Variants in MYH15 observed in about 807,000 individuals in gnomAD.
MYH15 encodes myosin heavy chain 15, also known as myosin-15.
In MYH15, 227 loss-of-function variants were observed where a neutral mutation model predicts 240.5. The observed-to-expected ratio is 0.94, with a 90% CI of 0.85 to 1.05. The LOEUF (loss-of-function observed/expected upper bound fraction) is 1.05, where lower values mean the gene tolerates loss of function less well. Among genes scored for constraint, MYH15 ranks in the 50% least tolerant of loss-of-function variants. MYH15 has a pLI of 0.00. For synonymous variants in MYH15, 785 were observed against 796.7 expected (o/e 0.99, Z 0.25); for missense variants, 2,217 against 2,247.5 (o/e 0.99, Z 0.27).
intron 35 of MYH15, among the ~76,000 whole-genome samples, chr3:108,397,877 T>C (rs1560315861): frequency 6.6e-6 from 1 of 152,166 alleles, no homozygotes; most frequent in Non-Finnish European, 1.5e-5. Flanking sequence ...GGAGTGGTTC[T>C]GGAACATTAG....
intron 38 of MYH15, among the ~76,000 whole-genome samples, chr3:108,387,501 A>T (rs1331348231): frequency 6.6e-6 from 1 of 152,248 alleles, no homozygotes; most frequent in East Asian, 1.9e-4. Context: ...CGATAGAACA[A>T]GAATGCATTC....
intron 33 of MYH15, among the ~76,000 whole-genome samples, chr3:108,401,071 T>G (rs1419883016): frequency 1.3e-5 from 2 of 152,180 alleles, no homozygotes; most frequent in African/African-American, 4.8e-5. Context: ...CCTTAGGCTC[T>G]GGGCTTTTGT....
At chr3:108,490,908 G>A (rs1393017645) in intron 9 of MYH15, among the ~76,000 whole-genome samples, 1 of 149,122 alleles carries the variant, frequency 6.7e-6, no homozygotes, top group Non-Finnish European at 1.5e-5. Flanking sequence ...TCTTTTTTGA[G>A]ACAGAGTCTC....
At chr3:108,550,782 T>C in the MYH15 span, 1 of 152,906 alleles carries the variant, frequency 6.5e-6, no homozygotes, top group Admixed American at 6.5e-5. Flanking sequence ...CCAAGAAAGT[T>C]TGGTCTTAAG....
the MYH15 span, among the ~76,000 whole-genome samples, chr3:108,546,426 T>C: frequency 6.6e-6 from 1 of 152,176 alleles, no homozygotes; most frequent in Admixed American, 6.5e-5. Flanking sequence ...AAAATCATGT[T>C]CATTACTAAA....
rs574594770 is a variant in MYH15, at chr3:108,386,882, G to C, written c.5535+2088C>G. Among the ~76,000 whole-genome samples, 111 of 152,176 alleles carry C rather than the reference G, an allele frequency of 7.3e-4. No homozygotes were observed. In the Middle Eastern group the frequency reaches 0.014, roughly 19 times the overall value. ...TTCCTGGATGTAGGAGGCAGTTGAT[G>C]GTAGAACCGAGTAGATGGGTGGAGA... On this transcript the variant is annotated intron_variant, in intron 38 of 40. Transcript: ENST00000693548.
chr3:108,546,906 G>A, the MYH15 span, among the ~76,000 whole-genome samples: 2 of 152,086 alleles, frequency 1.3e-5, no homozygotes, highest in African/African-American at 4.8e-5. Flanking sequence ...AACTCAGTGA[G>A]ACTGTGTAAG....
At chr3:108,539,110 A>G in the MYH15 span, among the ~76,000 whole-genome samples, 1 of 152,178 alleles carries the variant, frequency 6.6e-6, no homozygotes, top group Non-Finnish European at 1.5e-5. Context: ...TAAGTTTCCT[A>G]CACATGAACT....
At chr3:108,444,930 C>A (rs1175476513) in intron 21 of MYH15, 35 bp from the exon 22 acceptor site, 2 of 1,571,534 alleles carry the variant, frequency 1.3e-6, no homozygotes, top group East Asian at 2.2e-5. Flanking sequence ...AGCAAGTTAG[C>A]CCTGACTATA....
At chr3:108,513,286 A>G (rs2083534854), upstream of MYH15, among the ~76,000 whole-genome samples, 1 of 152,202 alleles carries the variant, frequency 6.6e-6, no homozygotes, top group Non-Finnish European at 1.5e-5. Flanking sequence ...TGAGACTGGT[A>G]TACTCACACA....
chr3:108,546,185 A>C, the MYH15 span, among the ~76,000 whole-genome samples: 7 of 152,220 alleles, frequency 4.6e-5, no homozygotes, highest in Non-Finnish European at 7.4e-5. Context: ...GGTATTACAC[A>C]AATTAGTATG....
rs147101810 is a variant in MYH15 at position 108,507,226 on chromosome 3, AATATATAT to A, written c.89-1405_89-1398del. ...CATACTTTCCTTTTAAAGGAAAATG[AATATATAT>A]ATATATATATATATATATATATATA... On this transcript the variant is annotated intron_variant, in intron 1 of 40. Coordinates refer to ENST00000693548, the MANE Select transcript of MYH15 (RefSeq NM_014981.3). Among the ~76,000 whole-genome samples, 631 of 98,218 alleles carry A rather than the reference AATATATAT, an allele frequency of 6.4e-3. 6 individuals are homozygous for A. The highest frequency in any genetic ancestry group is 0.02 in the East Asian group (49 of 2,394). 64.4% of individuals were successfully genotyped at this position (98,218 alleles called of 152,430 possible). A position where few individuals can be genotyped will look rare whatever the true frequency, so the allele number is the denominator to read the frequency against.
intron 33 of MYH15, 70 bp from the exon 34 acceptor site, chr3:108,399,337 T>TA: frequency 1.6e-6 from 2 of 1,251,510 alleles, no homozygotes; most frequent in Admixed American, 4.1e-5. Context: ...CTGCTATGTT[T>TA]AAAACAGTAC....
At chr3:108,538,912 G>A in the MYH15 span, among the ~76,000 whole-genome samples, 1 of 152,148 alleles carries the variant, frequency 6.6e-6, no homozygotes, top group African/African-American at 2.4e-5. Context: ...GGCAGAGAGT[G>A]GAAGGGCAAT....
At chr3:108,430,731 C>T in intron 26 of MYH15, 101 bp downstream of exon 26, 1 of 845,664 alleles carries the variant, frequency 1.2e-6, no homozygotes, top group Non-Finnish European at 1.9e-6. Context: ...CTGTGGTTGG[C>T]TAAGGGTATG....
intron 12 of MYH15, among the ~76,000 whole-genome samples, chr3:108,475,432 A>G (rs1335244005): frequency 2.0e-5 from 3 of 152,218 alleles, no homozygotes; most frequent in Non-Finnish European, 4.4e-5. Flanking sequence ...TACATTTCTC[A>G]GCCCCTTTCT....
intron 27 of MYH15, among the ~76,000 whole-genome samples, chr3:108,428,230 T>TA (rs975249987): frequency 7.9e-5 from 12 of 152,114 alleles, no homozygotes; most frequent in Middle Eastern, 3.2e-3. Context: ...GTGCAATCAC[T>TA]AAAAAAATCC....
chr3:108,410,392 G>A (rs973280496), intron 31 of MYH15, among the ~76,000 whole-genome samples, 191 bp downstream of exon 31: 1 of 152,164 alleles, frequency 6.6e-6, no homozygotes, highest in Middle Eastern at 3.4e-3. Context: ...TAGGAAACTA[G>A]TCTTACTTTT....
chr3:108,393,020 G>A (rs569363130), intron 36 of MYH15, among the ~76,000 whole-genome samples: 1 of 152,318 alleles, frequency 6.6e-6, no homozygotes, highest in East Asian at 1.9e-4. Context: ...ATTCTACAAT[G>A]ATTAGGTGGT....
Sources: allele counts gnomAD v4.1 joint callset (sites outside exome capture counted in the v4.1 genomes callset), GRCh38; gene constraint gnomAD v4.1.1; transcripts MANE v1.5; gene names NCBI Gene and HGNC (gene_info 2026-07-23, HGNC 2026-07-21).